MLLT3: variants seen among roughly 807,000 people sequenced by gnomAD.
MLLT3 encodes protein AF-9.
A neutral mutation model predicts 53.2 loss-of-function variants in MLLT3; 4 were observed. The observed-to-expected ratio is 0.08, with a 90% confidence interval of 0.04 to 0.17. MLLT3 has a LOEUF of 0.17. Among genes scored for constraint, MLLT3 ranks in the 10% least tolerant of loss-of-function variants. The probability of loss-of-function intolerance (pLI) is 1.00; values close to 1 mark genes in which losing one functional copy is unlikely to be tolerated. For missense variants in MLLT3, 569 were observed against 684.0 expected (o/e 0.83, Z 1.87); for synonymous variants, 283 against 230.6 (o/e 1.23, Z -2.06).
At chr9:20,433,740 G>A (rs1180681966) in intron 4 of MLLT3, among the ~76,000 whole-genome samples, 1 of 151,990 alleles carries the variant, frequency 6.6e-6, no homozygotes, top group Non-Finnish European at 1.5e-5. Context: ...AAAGACCAAG[G>A]AACTCTTTCC....
intron 4 of MLLT3, among the ~76,000 whole-genome samples, chr9:20,416,076 T>C (rs1410309457): frequency 6.6e-6 from 1 of 152,008 alleles, no homozygotes; most frequent in Admixed American, 6.5e-5. Context: ...AAGATAGGAT[T>C]CATATTACTA....
chr9:20,485,558 G>A (rs758914336), intron 2 of MLLT3, among the ~76,000 whole-genome samples: 5 of 152,084 alleles, frequency 3.3e-5, no homozygotes, highest in African/African-American at 9.7e-5. Context: ...TTTCTCACAC[G>A]TTCCAAACAT....
intron 4 of MLLT3, among the ~76,000 whole-genome samples, chr9:20,425,260 A>C (rs1469287216): frequency 6.6e-6 from 1 of 152,158 alleles, no homozygotes; most frequent in African/African-American, 2.4e-5. Context: ...AATGGGTTAG[A>C]TTCTCATGTA....
intron 4 of MLLT3, among the ~76,000 whole-genome samples, chr9:20,436,636 C>T (rs1357028422): frequency 6.6e-6 from 1 of 152,038 alleles, no homozygotes; most frequent in African/African-American, 2.4e-5. Flanking sequence ...CTATGTGTAA[C>T]CGTAGAAAGA....
At chr9:20,431,022 C>A (rs2118814685) in intron 4 of MLLT3, among the ~76,000 whole-genome samples, 1 of 152,104 alleles carries the variant, frequency 6.6e-6, no homozygotes, top group South Asian at 2.1e-4. Context: ...AATAATGATA[C>A]AACTTTATGT....
At chr9:20,535,581 C>CA (rs1253769364) in intron 2 of MLLT3, among the ~76,000 whole-genome samples, 9 of 152,098 alleles carry the variant, frequency 5.9e-5, no homozygotes, top group Admixed American at 3.9e-4. Flanking sequence ...TAATGAGAGA[C>CA]AAAAAAATAG....
intron 2 of MLLT3, among the ~76,000 whole-genome samples, chr9:20,559,517 T>G (rs1819147084): frequency 6.6e-6 from 1 of 152,188 alleles, no homozygotes; most frequent in African/African-American, 2.4e-5. Flanking sequence ...TTAACTTATC[T>G]GATAAGTTGC....
chr9:20,348,452 T>C (rs1166806539), intron 10 of MLLT3, among the ~76,000 whole-genome samples: 1 of 152,184 alleles, frequency 6.6e-6, no homozygotes, highest in Non-Finnish European at 1.5e-5. Context: ...TGCTTGGAAG[T>C]GCAGCAGCTG....
chr9:20,447,090 T>C (rs1473869874), intron 4 of MLLT3, among the ~76,000 whole-genome samples: 2 of 152,272 alleles, frequency 1.3e-5, no homozygotes, highest in Non-Finnish European at 2.9e-5. Flanking sequence ...CACACAATTA[T>C]ATACATGGGC....
chr9:20,486,577 C>T (rs1824819880), intron 2 of MLLT3, among the ~76,000 whole-genome samples: 1 of 152,064 alleles, frequency 6.6e-6, no homozygotes, highest in Non-Finnish European at 1.5e-5. Flanking sequence ...AATGATATTC[C>T]ACCTCACGAT....
chr9:20,561,207 G>C (rs546458747), intron 2 of MLLT3, among the ~76,000 whole-genome samples: 3 of 152,064 alleles, frequency 2.0e-5, no homozygotes, highest in African/African-American at 7.2e-5. Flanking sequence ...TAGATCAATG[G>C]AGCACTGTAT....
intron 10 of MLLT3, among the ~76,000 whole-genome samples, chr9:20,350,559 C>T (rs552858928): frequency 1.3e-4 from 19 of 144,138 alleles, no homozygotes; most frequent in African/African-American, 5.0e-4. Context: ...CCCGCCACTG[C>T]ACTCCAGCCT....
chr9:20,463,280 G>T (rs573570850), intron 2 of MLLT3, among the ~76,000 whole-genome samples: 1 of 151,222 alleles, frequency 6.6e-6, no homozygotes, highest in African/African-American at 2.4e-5. Flanking sequence ...TTTCAAGGGG[G>T]TGGGGGGGAG....
chr9:20,599,085 C>A (rs925400902), intron 2 of MLLT3, among the ~76,000 whole-genome samples: 1 of 152,118 alleles, frequency 6.6e-6, no homozygotes, highest in African/African-American at 2.4e-5. Flanking sequence ...GCGGGCAGAT[C>A]ACGAGGTCAA....
At chr9:20,445,595 C>A (rs984794918) in intron 4 of MLLT3, among the ~76,000 whole-genome samples, 7 of 152,122 alleles carry the variant, frequency 4.6e-5, no homozygotes, top group African/African-American at 1.7e-4. Flanking sequence ...CTAAAAACAA[C>A]CTTTCTGATC....
chr9:20,485,287 C>G (rs1016666193), intron 2 of MLLT3, among the ~76,000 whole-genome samples: 6 of 152,176 alleles, frequency 3.9e-5, no homozygotes, highest in Non-Finnish European at 7.3e-5. Flanking sequence ...CCATGCCCGG[C>G]CAATTATATT....
At chr9:20,384,649 T>C (rs182573707) in intron 5 of MLLT3, among the ~76,000 whole-genome samples, 2 of 152,188 alleles carry the variant, frequency 1.3e-5, no homozygotes, top group Admixed American at 1.3e-4. Flanking sequence ...AACACGACAG[T>C]CAAATTAAGA....
intron 2 of MLLT3, among the ~76,000 whole-genome samples, chr9:20,564,565 G>A (rs986776206): frequency 1.6e-4 from 24 of 152,128 alleles, no homozygotes; most frequent in African/African-American, 5.6e-4. Context: ...TACAGTAAAA[G>A]CTGCAAAGCT....
chr9:20,371,559 C>CAGAGTAGG (rs1232035061), intron 5 of MLLT3, among the ~76,000 whole-genome samples: 1 of 152,188 alleles, frequency 6.6e-6, no homozygotes, highest in Non-Finnish European at 1.5e-5. Flanking sequence ...AACAACAAAA[C>CAGAGTAGG]CTGGATGACA....
Sources: gnomAD v4.1 joint callset for allele counts (sites outside exome capture counted in the v4.1 genomes callset) on GRCh38, gnomAD v4.1.1 for gene constraint, MANE v1.5 for transcripts, NCBI Gene and HGNC (gene_info 2026-07-23, HGNC 2026-07-21) for gene names.